Variants in KCNS3 observed in about 807,000 individuals in gnomAD.
KCNS3 encodes the protein delayed-rectifier potassium channel regulatory subunit KCNS3.
In KCNS3, 13 loss-of-function variants were observed where a neutral mutation model predicts 31.0. That is an observed-to-expected ratio of 0.42 (90% CI 0.27 to 0.67). The LOEUF is 0.67. Ranked by LOEUF, KCNS3 falls within the 30% of genes least tolerant of loss-of-function variation. The pLI is 0.25. For missense variants in KCNS3, 545 were observed against 622.4 expected (o/e 0.88, Z 1.32); for synonymous variants, 238 against 241.5 (o/e 0.99, Z 0.13).
At chr2:17,917,052 C>CT (rs955316321) in intron 1 of KCNS3, among the ~76,000 whole-genome samples, 2 of 152,100 alleles carry the variant, frequency 1.3e-5, no homozygotes, top group African/African-American at 4.8e-5. Context: ...TGAAATTTGG[C>CT]TTTTTATTTG....
intron 1 of KCNS3, among the ~76,000 whole-genome samples, chr2:17,888,993 A>T (rs1314346018): frequency 6.6e-6 from 1 of 151,994 alleles, no homozygotes; most frequent in East Asian, 1.9e-4. Flanking sequence ...TGGGGATTGC[A>T]TTGAATTTGT....
chr2:17,905,478 C>A (rs1306523226), intron 1 of KCNS3, among the ~76,000 whole-genome samples: 1 of 152,162 alleles, frequency 6.6e-6, no homozygotes, highest in South Asian at 2.1e-4. Flanking sequence ...ATTGCCCTGG[C>A]CAGAATTTCC....
chr2:17,914,681 T>C (rs1401379709), intron 1 of KCNS3, among the ~76,000 whole-genome samples: 1 of 152,188 alleles, frequency 6.6e-6, no homozygotes, highest in East Asian at 1.9e-4. Flanking sequence ...AATATGAAGA[T>C]TGATATTAGG....
chr2:17,926,314 A>G (rs972915166), intron 2 of KCNS3, among the ~76,000 whole-genome samples: 4 of 152,144 alleles, frequency 2.6e-5, no homozygotes, highest in African/African-American at 9.7e-5. Context: ...GCTCAGTGCA[A>G]GCTGTCAGTG....
chr2:17,913,598 C>T (rs1662521103), intron 1 of KCNS3, among the ~76,000 whole-genome samples: 1 of 152,238 alleles, frequency 6.6e-6, no homozygotes, highest in Non-Finnish European at 1.5e-5. Context: ...ACTGTAAATG[C>T]CATGACTGAA....
At chr2:17,903,606 C>A (rs1455071707) in intron 1 of KCNS3, among the ~76,000 whole-genome samples, 1 of 151,876 alleles carries the variant, frequency 6.6e-6, no homozygotes, top group Non-Finnish European at 1.5e-5. Flanking sequence ...TTCCTTCCCC[C>A]TTCCCCCCAC....
intron 1 of KCNS3, among the ~76,000 whole-genome samples, chr2:17,904,988 T>G (rs546897339): frequency 1.3e-5 from 2 of 152,364 alleles, no homozygotes; most frequent in South Asian, 2.1e-4. Context: ...TTTTTCCAAT[T>G]CTGTGAAGAA....
At chr2:17,888,639 A>ATATC (rs1553341417) in intron 1 of KCNS3, among the ~76,000 whole-genome samples, 11 of 75,326 alleles carry the variant, frequency 1.5e-4, no homozygotes, top group East Asian at 5.9e-4. Flanking sequence ...GTATATATAT[A>ATATC]TATATATATA....
At chr2:17,921,919 A>G (rs1173226059) in intron 2 of KCNS3, among the ~76,000 whole-genome samples, 19 of 36,634 alleles carry the variant, frequency 5.2e-4, no homozygotes, top group African/African-American at 8.4e-4. Flanking sequence ...GTGTGTGTAT[A>G]TATATATATA....
chr2:17,884,021 C>A (rs185732447), intron 1 of KCNS3, among the ~76,000 whole-genome samples: 2 of 143,996 alleles, frequency 1.4e-5, no homozygotes, highest in Non-Finnish European at 3.0e-5. Context: ...AAACCAAACA[C>A]TGCATGTTCT....
chr2:17,910,183 A>C (rs1010294601), intron 1 of KCNS3, among the ~76,000 whole-genome samples: 1 of 152,230 alleles, frequency 6.6e-6, no homozygotes, highest in African/African-American at 2.4e-5. Flanking sequence ...CTTTAAATAA[A>C]ATCTAGCAGT....
chr2:17,884,268 AAT>A (rs1227638443), intron 1 of KCNS3, among the ~76,000 whole-genome samples: 581 of 46,614 alleles, frequency 0.012, 2 homozygotes, highest in Middle Eastern at 0.027. Flanking sequence ...AAAAAAAAAA[AAT>A]ATATATATAT....
At chr2:17,929,039 G>A (rs923193909) in intron 2 of KCNS3, among the ~76,000 whole-genome samples, 2 of 152,134 alleles carry the variant, frequency 1.3e-5, no homozygotes, top group Non-Finnish European at 2.9e-5. Context: ...TGTCATTGGC[G>A]GCTTTCTAAG....
intron 1 of KCNS3, among the ~76,000 whole-genome samples, chr2:17,885,732 C>G (rs1167740223): frequency 6.6e-6 from 1 of 152,206 alleles, no homozygotes; most frequent in Non-Finnish European, 1.5e-5. Context: ...CTGCTTTACT[C>G]AAAGTCTACC....
rs1662988272 is a variant in KCNS3, at chr2:17,931,810, G to T, written c.802G>T (p.Ala268Ser). ...IDFVSIIPFY[A>S]TLAVDTKEEE... ...CTTTGTCTCTATTATTCCCTTCTAT[G>T]CCACGTTGGCTGTAGACACCAAGGA... The change falls in exon 3 of 3, where the codon GCC becomes TCC. Residue 268 changes from alanine to serine, a missense_variant. Transcript: ENST00000304101. This position sits in a 1 kb window ranked among gnomAD's most constrained non-coding sequence, Gnocchi z 5.4. The T allele has an allele frequency of 6.2e-7, 1 of 1,614,162 alleles. No homozygotes were observed. Among genetic ancestry groups the T allele is most frequent in the Non-Finnish European group, 8.5e-7 (1 of 1,180,036 alleles).
At chr2:17,900,976 C>G (rs1662159798) in intron 1 of KCNS3, among the ~76,000 whole-genome samples, 1 of 152,142 alleles carries the variant, frequency 6.6e-6, no homozygotes, top group Non-Finnish European at 1.5e-5. Flanking sequence ...TCTGTGGTAT[C>G]TGATATTTAG....
At position 17,932,468 on chromosome 2, in the gene KCNS3, A is replaced by AT. The variant is rs1437303382; in HGVS notation, c.1462dup (p.Cys488LeufsTer22). The AT allele has an allele frequency of 3.7e-6, 6 of 1,610,846 alleles. No individual in the cohort carries two copies. Among genetic ancestry groups the AT allele is most frequent in the Non-Finnish European group, 5.1e-6 (6 of 1,178,352 alleles). ...ATTTGTAACACCACCTCCTTGGAGA[A>AT]TTGCACAGCAAAATGAGCGGGGGTG... On this transcript the variant is annotated frameshift_variant, in exon 3 of 3. Transcript: ENST00000304101. LOFTEE classifies it high-confidence loss of function.
chr2:17,889,319 G>A (rs920018902), intron 1 of KCNS3, among the ~76,000 whole-genome samples: 15 of 152,148 alleles, frequency 9.9e-5, no homozygotes, highest in African/African-American at 3.6e-4. Flanking sequence ...AGCTCTAGGA[G>A]CTTTCTGGAG....
intron 1 of KCNS3, among the ~76,000 whole-genome samples, chr2:17,903,919 C>G (rs11096493): frequency 0.26 from 39,746 of 151,976 alleles, 5,447 homozygotes; most frequent in East Asian, 0.37. Flanking sequence ...AATAAACATA[C>G]GCGTGCATGT....
Sources: gnomAD v4.1 joint callset for allele counts (sites outside exome capture counted in the v4.1 genomes callset) on GRCh38, gnomAD v4.1.1 for gene constraint, Gnocchi (gnomAD v3.1) non-coding constraint, MANE v1.5 for transcripts, NCBI Gene and HGNC (gene_info 2026-07-23, HGNC 2026-07-21) for gene names.